PLEKHM2: variants seen among roughly 807,000 people sequenced by gnomAD.
The protein encoded by PLEKHM2 is pleckstrin homology and RUN domain containing M2.
In PLEKHM2, 77 loss-of-function variants were observed where a neutral mutation model predicts 116.3. That is an observed-to-expected ratio of 0.66 (90% CI 0.55 to 0.80). The LOEUF (loss-of-function observed/expected upper bound fraction) is 0.80, where lower values mean the gene tolerates loss of function less well. Ranked by LOEUF, PLEKHM2 falls within the 30% of genes least tolerant of loss-of-function variation. PLEKHM2 has a pLI of 0.00. For missense variants in PLEKHM2, 1,183 were observed against 1,354.9 expected, an observed-to-expected ratio of 0.87 and a Z score of 1.99; for synonymous variants, 562 against 571.0, an observed-to-expected ratio of 0.98 and a Z score of 0.22.
At chr1:15,695,291 G>T (rs1029159926) in intron 1 of PLEKHM2, among the ~76,000 whole-genome samples, 1 of 152,170 alleles carries the variant, frequency 6.6e-6, no homozygotes, top group African/African-American at 2.4e-5. Flanking sequence ...ATTTTTGAGG[G>T]TAATCAACCT....
chr1:15,687,057 G>A (rs535491260), intron 1 of PLEKHM2, among the ~76,000 whole-genome samples: 2 of 152,264 alleles, frequency 1.3e-5, no homozygotes, highest in South Asian at 2.1e-4. Flanking sequence ...CGAAGTGCTG[G>A]GATTACAGGC....
At chr1:15,715,656 C>G (rs1641429461) in intron 1 of PLEKHM2, among the ~76,000 whole-genome samples, 1 of 151,910 alleles carries the variant, frequency 6.6e-6, no homozygotes, top group Non-Finnish European at 1.5e-5. Flanking sequence ...AACAAACAAC[C>G]AAAAAGAAAA....
At chr1:15,732,972 G>C (rs2068167998) in intron 19 of PLEKHM2, among the ~76,000 whole-genome samples, 1 of 152,260 alleles carries the variant, frequency 6.6e-6, no homozygotes, top group Non-Finnish European at 1.5e-5. Flanking sequence ...CAGGCTGGGA[G>C]CCCGAGGCCC....
intron 1 of PLEKHM2, among the ~76,000 whole-genome samples, chr1:15,710,100 G>A (rs1057383880): frequency 4.6e-5 from 7 of 151,222 alleles, no homozygotes; most frequent in African/African-American, 7.3e-5. Context: ...GGTGGCGGGC[G>A]CCTGTAGTCC....
Position 15,719,856 on chromosome 1 carries a change from TTTCAACTCC to T in PLEKHM2, c.589_597del (p.Phe197_Ser199del), listed in dbSNP as rs775873668. 48 of 1,613,680 alleles carry T rather than the reference TTTCAACTCC, an allele frequency of 3.0e-5. 1 individual carries two copies. The South Asian group carries it at 5.3e-4, about 18-fold the overall frequency. Reference sequence around the variant, plus strand: ...GCTCAGACAGTCTGTCCCTCAACTCTTTCAACTCCGTCACCTCCACCAACCTGGAGTGGG... The same window carrying T: ...GCTCAGACAGTCTGTCCCTCAACTCTGTCACCTCCACCAACCTGGAGTGGG... On this transcript the variant is annotated inframe_deletion, in exon 6 of 20. Coordinates refer to ENST00000375799, the MANE Select transcript of PLEKHM2 (RefSeq NM_015164.4). This position sits in a 1 kb window ranked among gnomAD's most constrained non-coding sequence, Gnocchi z 4.1.
intron 1 of PLEKHM2, among the ~76,000 whole-genome samples, chr1:15,695,015 C>A (rs968782315): frequency 6.6e-6 from 1 of 152,186 alleles, no homozygotes; most frequent in African/African-American, 2.4e-5. Flanking sequence ...GCCTTGGCCT[C>A]CCAAAGTCCT....
chr1:15,725,248 G>T (rs866051650), intron 7 of PLEKHM2, 69 bp from the exon 8 acceptor site: 12 of 1,145,534 alleles, frequency 1.0e-5, no homozygotes, highest in Admixed American at 8.0e-5. Context: ...CTGGGCTAAC[G>T]CATGCTCTGG....
upstream of PLEKHM2, among the ~76,000 whole-genome samples, chr1:15,682,226 A>T (rs1384027780): frequency 6.6e-6 from 1 of 151,874 alleles, no homozygotes; most frequent in South Asian, 2.1e-4. Flanking sequence ...AGGCGGGCAG[A>T]TCACCTGAGG....
Position 15,728,115 on chromosome 1 carries a change from C to T in PLEKHM2, c.1797C>T (p.His599=), listed in dbSNP as rs150750784. 5,714 of 1,611,362 alleles carry T rather than the reference C, an allele frequency of 3.5e-3. 19 individuals carry two copies. Among genetic ancestry groups the T allele is most frequent in the Non-Finnish European group, 4.3e-3 (5,028 of 1,178,738 alleles). The change falls in exon 10 of 20, where the codon CAC becomes CAT. Residue 599 remains histidine, a synonymous_variant. Transcript: ENST00000375799. The surrounding 1 kb of genome is among the most constrained non-coding windows in gnomAD (Gnocchi z 5.9). The stretch of plus-strand genomic sequence containing the variant: ...ATCACCTGCTCCTGCTCATGATCCA[C>T]GTGTTCCGAGAAAACGAAGAGCAGC... ...DNNHLLLLMI[H]VFRENEEQLF... is the part of the protein sequence containing the mutation.
rs369859488 is a variant in PLEKHM2 at position 15,733,823 on chromosome 1, G to A, written c.2949G>A (p.Gln983=). 67 of 1,613,104 alleles carry A rather than the reference G, an allele frequency of 4.2e-5. No homozygotes were observed. In the African/African-American group the frequency reaches 7.9e-4, roughly 19 times the overall value. ...TGGACCTCCCCCACACGGCGATCCA[G>A]GAAGCCTCCAACAAGAAGAAATTCG... The part of the protein sequence containing the change: ...YQVDLPHTAI[Q]EASNKKKFED... The change falls in exon 20 of 20, where the codon CAG becomes CAA. Residue 983 remains glutamine (Q), a synonymous_variant. Coordinates refer to ENST00000375799, the MANE Select transcript of PLEKHM2 (RefSeq NM_015164.4).
chr1:15,720,210 C>T, intron 6 of PLEKHM2: 1 of 266,566 alleles, frequency 3.8e-6, no homozygotes, highest in Non-Finnish European at 5.8e-6. Flanking sequence ...ATGCCTGTGG[C>T]AGTTTTCTAA....
Position 15,727,280 on chromosome 1 carries a change from T to C in PLEKHM2, c.1208T>C (p.Met403Thr). The change falls in exon 9 of 20, where the codon ATG becomes ACG. Residue 403 changes from methionine to threonine, a missense_variant. Physicochemically the swap from Met to Thr is moderately conservative, Grantham distance 81. Around this residue, in one of 3 missense-constraint regions of PLEKHM2, gnomAD observed 372 missense variants for 357.2 expected, o/e 1.04. Transcript: ENST00000375799. This position sits in a 1 kb window ranked among gnomAD's most constrained non-coding sequence, Gnocchi z 7.5. The stretch of plus-strand genomic sequence containing the variant: ...ATCCCTGAGATGAAGGACACCTCCA[T>C]GGAGCGCTTGGGGCAGCCCCTGAGC... ...LLIPEMKDTS[M>T]ERLGQPLSKV... The C allele has an allele frequency of 1.2e-6, 2 of 1,605,508 alleles. No homozygotes were observed. Among genetic ancestry groups the C allele is most frequent in the Non-Finnish European group, 8.5e-7 (1 of 1,177,026 alleles).
Position 15,727,230 on chromosome 1 carries a change from C to T in PLEKHM2, c.1158C>T (p.Ser386=), listed in dbSNP as rs372178116. ...GEGPSSTTES[S]ERSEPGLLIP... is the part of the protein sequence containing the mutation. ...GGCCGAGCAGCACCACGGAGAGCAG[C>T]GAGCGCTCCGAGCCGGGCCTGCTGA... The change falls in exon 9 of 20, where the codon AGC becomes AGT. Residue 386 remains serine (S), a synonymous_variant. Coordinates refer to ENST00000375799, the MANE Select transcript of PLEKHM2 (RefSeq NM_015164.4). This position sits in a 1 kb window ranked among gnomAD's most constrained non-coding sequence, Gnocchi z 7.5. The T allele has an allele frequency of 4.3e-5, 69 of 1,602,080 alleles. No homozygotes were observed. The highest frequency in any genetic ancestry group is 5.3e-5 in the Non-Finnish European group (62 of 1,175,686).
chr1:15,712,648 CTT>C (rs1366648962), intron 1 of PLEKHM2, among the ~76,000 whole-genome samples: 76 of 136,580 alleles, frequency 5.6e-4, no homozygotes, highest in Admixed American at 1.0e-3. Flanking sequence ...TCTTATTTTC[CTT>C]TTTTTTTTTT....
chr1:15,731,959 TCCGA>T lies in PLEKHM2; in HGVS notation c.2540_2543del (p.Asp847GlyfsTer6). The T allele has an allele frequency of 6.2e-7, 1 of 1,612,018 alleles. No individual in the cohort carries two copies. The highest frequency in any genetic ancestry group is 8.5e-7 in the Non-Finnish European group (1 of 1,179,502). On this transcript the variant is annotated frameshift_variant, in exon 17 of 20. Transcript: ENST00000375799. LOFTEE classifies it high-confidence loss of function. ...GCCCCACGCCTTCCAGGTCATTCTCTCCGACCGGCCCTGCCTGGAGCTAAGTGCC... is the reference window on the plus strand; with the variant it reads ...GCCCCACGCCTTCCAGGTCATTCTCTCCGGCCCTGCCTGGAGCTAAGTGCC...
intron 1 of PLEKHM2, among the ~76,000 whole-genome samples, chr1:15,713,280 C>CT (rs1229403046): frequency 1.3e-5 from 2 of 151,806 alleles, no homozygotes; most frequent in African/African-American, 2.4e-5. Context: ...TTCTTTCTTT[C>CT]TTTTTTTTCT....
chr1:15,698,541 C>CTTTTTTTTT (rs1249746368), intron 1 of PLEKHM2, among the ~76,000 whole-genome samples: 7 of 139,030 alleles, frequency 5.0e-5, no homozygotes, highest in African/African-American at 1.7e-4. Flanking sequence ...TTCTTTCTTT[C>CTTTTTTTTT]TTTCTTTCTT....
At chr1:15,706,177 A>G (rs948196969) in intron 1 of PLEKHM2, among the ~76,000 whole-genome samples, 4 of 152,160 alleles carry the variant, frequency 2.6e-5, no homozygotes, top group Non-Finnish European at 4.4e-5. Flanking sequence ...TCAAACTGGT[A>G]ATGAAACGCA....
At chr1:15,698,549 C>CTTTTTTTTTTTT (rs564918055) in intron 1 of PLEKHM2, among the ~76,000 whole-genome samples, 5 of 111,206 alleles carry the variant, frequency 4.5e-5, no homozygotes, top group African/African-American at 4.0e-5. Context: ...TTCTTTCTTT[C>CTTTTTTTTTTTT]TTTTTTTTTT....
Sources: gnomAD v4.1 joint callset for allele counts (sites outside exome capture counted in the v4.1 genomes callset) on GRCh38, gnomAD v4.1.1 for gene constraint, gnomAD v4.1.1 regional missense constraint, Gnocchi (gnomAD v3.1) non-coding constraint, MANE v1.5 for transcripts, NCBI Gene and HGNC (gene_info 2026-07-23, HGNC 2026-07-21) for gene names.